Variants in ZRANB3 observed in about 807,000 individuals in gnomAD.
ZRANB3 encodes DNA annealing helicase and endonuclease ZRANB3.
In ZRANB3, 125 loss-of-function variants were observed where a neutral mutation model predicts 133.8. That is an observed-to-expected ratio of 0.93 (90% CI 0.81 to 1.08). ZRANB3 has a LOEUF of 1.08. Ranked by LOEUF, ZRANB3 falls within the 50% of genes least tolerant of loss-of-function variation. The pLI is 0.00. For missense variants in ZRANB3, 1,229 were observed against 1,275.5 expected (o/e 0.96, Z 0.56); for synonymous variants, 387 against 432.7 (o/e 0.89, Z 1.31).
At chr2:135,450,191 G>A (rs768403056) in intron 2 of ZRANB3, among the ~76,000 whole-genome samples, 1 of 151,604 alleles carries the variant, frequency 6.6e-6, no homozygotes, top group Non-Finnish European at 1.5e-5. Context: ...TGTTTATTCT[G>A]GGAGGCAAAG....
chr2:135,493,219 C>T (rs1319150421), intron 2 of ZRANB3, among the ~76,000 whole-genome samples: 5 of 135,186 alleles, frequency 3.7e-5, no homozygotes, highest in Admixed American at 1.5e-4. Flanking sequence ...AAACAGAAGA[C>T]GATTTTGTAA....
chr2:135,432,392 T>G (rs1336831644), intron 2 of ZRANB3, among the ~76,000 whole-genome samples: 1 of 152,216 alleles, frequency 6.6e-6, no homozygotes, highest in Admixed American at 6.5e-5. Context: ...TTTAATGCTT[T>G]CAATAAGTTA....
At chr2:135,346,542 T>TCATC (rs1385210052) in intron 5 of ZRANB3, among the ~76,000 whole-genome samples, 1 of 152,154 alleles carries the variant, frequency 6.6e-6, no homozygotes. Flanking sequence ...ATCCATTCAT[T>TCATC]CATCCATCCA....
rs1022676560 is a variant in ZRANB3 at position 135,209,858 on chromosome 2, G to A, written c.2496-880C>T. On this transcript the variant is annotated intron_variant, in intron 17 of 20. Transcript: ENST00000264159. ...ATCACAATGGAATTGTGCAATCGTA[G>A]GTAAAATTTTAGAAATTTGCTTTAT... Among the ~76,000 whole-genome samples the A allele has an allele frequency of 4.6e-5, 7 of 152,062 alleles. No individual in the cohort carries two copies. The East Asian group carries it at 1.4e-3, about 29-fold the overall frequency.
At chr2:135,323,683 A>T (rs1389196953) in intron 6 of ZRANB3, among the ~76,000 whole-genome samples, 2 of 152,220 alleles carry the variant, frequency 1.3e-5, no homozygotes, top group Non-Finnish European at 2.9e-5. Flanking sequence ...ATTCAAAAAA[A>T]ACATGAGTTA....
intron 12 of ZRANB3, among the ~76,000 whole-genome samples, chr2:135,241,954 C>T (rs1391054594): frequency 6.6e-6 from 1 of 151,782 alleles, no homozygotes; most frequent in Admixed American, 6.6e-5. Flanking sequence ...GTGAGGTGGG[C>T]GAATCACTTG....
chr2:135,368,029 A>G (rs1331901370), intron 3 of ZRANB3, among the ~76,000 whole-genome samples: 1 of 152,114 alleles, frequency 6.6e-6, no homozygotes, highest in Non-Finnish European at 1.5e-5. Flanking sequence ...AATATACTCA[A>G]AAGAGCACAG....
intron 6 of ZRANB3, 39 bp from the exon 7 acceptor site, chr2:135,315,569 G>A: frequency 3.7e-6 from 5 of 1,336,940 alleles, no homozygotes; most frequent in Non-Finnish European, 4.9e-6. Context: ...AAAATTGAAT[G>A]CTGGAGTTAA....
intron 2 of ZRANB3, among the ~76,000 whole-genome samples, chr2:135,470,001 G>C (rs1691182357): frequency 7.2e-6 from 1 of 139,754 alleles, no homozygotes; most frequent in Non-Finnish European, 1.5e-5. Context: ...GACAGAGCGA[G>C]ACTCTTACCT....
At chr2:135,425,046 A>G (rs1375141471) in intron 2 of ZRANB3, among the ~76,000 whole-genome samples, 1 of 152,234 alleles carries the variant, frequency 6.6e-6, no homozygotes, top group East Asian at 1.9e-4. Flanking sequence ...CGGCAGAGGG[A>G]GCAATGCCTA....
intron 3 of ZRANB3, among the ~76,000 whole-genome samples, chr2:135,377,175 T>A (rs1218792352): frequency 1.1e-4 from 17 of 152,238 alleles, no homozygotes; most frequent in Non-Finnish European, 4.4e-5. Flanking sequence ...AGATACTTAA[T>A]GTGTGTGCAT....
chr2:135,213,680 G>A (rs1694192200), intron 17 of ZRANB3, among the ~76,000 whole-genome samples: 1 of 151,990 alleles, frequency 6.6e-6, no homozygotes, highest in Non-Finnish European at 1.5e-5. Flanking sequence ...TTTTTCTCCA[G>A]GTATACTAGA....
At chr2:135,355,546 G>A (rs898963105) in intron 3 of ZRANB3, among the ~76,000 whole-genome samples, 13 of 151,918 alleles carry the variant, frequency 8.6e-5, no homozygotes, top group Non-Finnish European at 1.3e-4. Flanking sequence ...TAGCAGAGAC[G>A]GGGTTTCTCC....
At chr2:135,370,987 C>G (rs964645557) in intron 3 of ZRANB3, among the ~76,000 whole-genome samples, 10 of 152,176 alleles carry the variant, frequency 6.6e-5, no homozygotes, top group African/African-American at 1.9e-4. Flanking sequence ...GTGCCTTCTG[C>G]CATAACCTTA....
chr2:135,447,241 G>C (rs901385483), intron 2 of ZRANB3, among the ~76,000 whole-genome samples: 4 of 152,048 alleles, frequency 2.6e-5, no homozygotes, highest in African/African-American at 9.7e-5. Flanking sequence ...GTTTCACCAT[G>C]TTTGCCAGGC....
chr2:135,204,503 G>A (rs1020742579), intron 19 of ZRANB3, among the ~76,000 whole-genome samples: 2 of 151,366 alleles, frequency 1.3e-5, no homozygotes, highest in African/African-American at 4.9e-5. Flanking sequence ...CCCACCTCTT[G>A]AAGGAATCAC....
At chr2:135,288,927 C>T (rs1299205422) in intron 8 of ZRANB3, among the ~76,000 whole-genome samples, 1 of 145,426 alleles carries the variant, frequency 6.9e-6, no homozygotes, top group Admixed American at 6.9e-5. Flanking sequence ...ATTTCATTTA[C>T]TTCTGCTCTG....
intron 5 of ZRANB3, among the ~76,000 whole-genome samples, chr2:135,349,643 G>A (rs552805410): frequency 6.6e-6 from 1 of 152,238 alleles, no homozygotes; most frequent in South Asian, 2.1e-4. Context: ...CCAACCCTAA[G>A]AAGCTTATAA....
chr2:135,267,661 T>C (rs1371255999), intron 11 of ZRANB3, among the ~76,000 whole-genome samples: 1 of 152,238 alleles, frequency 6.6e-6, no homozygotes, highest in Non-Finnish European at 1.5e-5. Flanking sequence ...GGAGAAGTTA[T>C]ACTATTCACT....
Sources: allele counts gnomAD v4.1 joint callset (sites outside exome capture counted in the v4.1 genomes callset), GRCh38; gene constraint gnomAD v4.1.1; transcripts MANE v1.5; gene names NCBI Gene and HGNC (gene_info 2026-07-23, HGNC 2026-07-21).